Variants in FBN2 observed in about 807,000 individuals in gnomAD.
The protein encoded by FBN2 is fibrillin 2.
Under a neutral mutation model 355.6 loss-of-function variants are expected in FBN2, and 105 were observed. The observed-to-expected ratio is 0.30, with a 90% CI of 0.25 to 0.35. The LOEUF (loss-of-function observed/expected upper bound fraction) is 0.35, where lower values mean the gene tolerates loss of function less well. FBN2 is among the 10% of genes least tolerant of loss of function. FBN2 has a pLI of 1.00. For missense variants in FBN2, 3,280 were observed against 3,758.7 expected (o/e 0.87, Z 3.33); for synonymous variants, 1,350 against 1,301.2 (o/e 1.04, Z -0.81).
At chr5:128,301,090 C>A (rs1357754847) in intron 47 of FBN2, among the ~76,000 whole-genome samples, 154 bp from the exon 48 acceptor site, 1 of 152,210 alleles carries the variant, frequency 6.6e-6, no homozygotes, top group Non-Finnish European at 1.5e-5. Flanking sequence ...ACTCTTCTGA[C>A]ATCTTGGATA....
chr5:128,505,980 T>TG (rs1755947951), intron 5 of FBN2, among the ~76,000 whole-genome samples: 2 of 152,202 alleles, frequency 1.3e-5, no homozygotes, highest in East Asian at 1.9e-4. Context: ...TTCATTTAGC[T>TG]GGGGCAAATA....
At position 128,431,764 on chromosome 5, in the gene FBN2, G is replaced by A. The variant is rs115176669; in HGVS notation, c.952+14717C>T. On this transcript the variant is annotated intron_variant, in intron 7 of 64. Coordinates refer to ENST00000262464, the MANE Select transcript of FBN2 (RefSeq NM_001999.4). ...ACTTGAATACATGCGCTAAGATACT[G>A]TGACAGTGAATCTGATAACTGAGGC... 8.1e-4 allele frequency among the ~76,000 whole-genome samples: 124 copies of A among 152,296 alleles called. 1 individual carries two copies. The highest frequency in any genetic ancestry group is 3.4e-3 in the Middle Eastern group (1 of 294).
intron 35 of FBN2, 90 bp from the exon 36 acceptor site, chr5:128,318,361 G>A (rs895050114): frequency 5.5e-5 from 72 of 1,310,480 alleles, no homozygotes; most frequent in Non-Finnish European, 6.9e-5. Flanking sequence ...ATTTTTGCAA[G>A]TGAGTAGATT....
At chr5:128,494,004 C>T (rs932394309) in intron 5 of FBN2, among the ~76,000 whole-genome samples, 5 of 124,276 alleles carry the variant, frequency 4.0e-5, no homozygotes, top group South Asian at 2.3e-4. Context: ...AAGGTTTCTG[C>T]GAGACAGAGA....
intron 2 of FBN2, among the ~76,000 whole-genome samples, chr5:128,533,344 T>C (rs1756756029): frequency 6.6e-6 from 1 of 152,180 alleles, no homozygotes; most frequent in African/African-American, 2.4e-5. Context: ...TTCTCAGGCA[T>C]TTACCTGTCG....
At chr5:128,512,247 T>A (rs1298684056) in intron 5 of FBN2, among the ~76,000 whole-genome samples, 2 of 152,032 alleles carry the variant, frequency 1.3e-5, no homozygotes, top group African/African-American at 4.8e-5. Flanking sequence ...CGCAGTGGCT[T>A]AAGCCTGTAA....
At chr5:128,319,319 G>T (rs1015350553) in intron 34 of FBN2, among the ~76,000 whole-genome samples, 1 of 151,484 alleles carries the variant, frequency 6.6e-6, no homozygotes, top group Admixed American at 6.6e-5. Flanking sequence ...ACATGTCAAA[G>T]AAATGAAATT....
chr5:128,372,146 G>A (rs1434740053), intron 15 of FBN2, among the ~76,000 whole-genome samples: 1 of 152,192 alleles, frequency 6.6e-6, no homozygotes, highest in Non-Finnish European at 1.5e-5. Context: ...GGAACAGAGA[G>A]GTCCTGTATC....
At chr5:128,403,985 C>G (rs1009912625) in intron 8 of FBN2, among the ~76,000 whole-genome samples, 7 of 152,136 alleles carry the variant, frequency 4.6e-5, no homozygotes, top group Non-Finnish European at 1.0e-4. Context: ...TCTGTGTTAA[C>G]TAGAATAAGA....
intron 5 of FBN2, among the ~76,000 whole-genome samples, chr5:128,497,425 G>T (rs1032996460): frequency 6.6e-6 from 1 of 152,140 alleles, no homozygotes; most frequent in African/African-American, 2.4e-5. Context: ...GAACAAAATA[G>T]TGGGGGCAAC....
intron 62 of FBN2, among the ~76,000 whole-genome samples, chr5:128,264,015 T>C (rs1333834446): frequency 6.6e-6 from 1 of 152,140 alleles, no homozygotes; most frequent in African/African-American, 2.4e-5. Flanking sequence ...GAAAATTAGT[T>C]GCCGGGGCCT....
chr5:128,268,071 C>T (rs1765163297), intron 62 of FBN2, among the ~76,000 whole-genome samples: 1 of 151,890 alleles, frequency 6.6e-6, no homozygotes. Flanking sequence ...AAAAACCCTC[C>T]AAAAAATCAA....
intron 3 of FBN2, among the ~76,000 whole-genome samples, chr5:128,529,612 C>T (rs1454472415): frequency 6.6e-6 from 1 of 152,160 alleles, no homozygotes; most frequent in African/African-American, 2.4e-5. Flanking sequence ...GAAACTGAAT[C>T]TTAAAATTCC....
intron 25 of FBN2, among the ~76,000 whole-genome samples, chr5:128,340,818 CCTCTCTCTCTCT>C (rs752335442): frequency 2.7e-4 from 40 of 150,272 alleles, no homozygotes; most frequent in Middle Eastern, 6.3e-3. Context: ...TCTCTCTCTC[CCTCTCTCTCTCT>C]CTCTCTATAT....
Position 128,288,637 on chromosome 5 carries a change from C to T in FBN2, c.6638-80G>A, listed in dbSNP as rs28763930. ...TGCCCAGGAAGACCCATGCTTGGCC[C>T]TCACCCATTTCCAGGATCTGAGAAG... On this transcript the variant is annotated intron_variant, in intron 52 of 64. Transcript: ENST00000262464. 4.6e-6 allele frequency: 7 copies of T among 1,517,658 alleles called. No homozygotes were observed. In the Admixed American group the frequency reaches 1.0e-4, roughly 22 times the overall value. 94.0% of individuals were successfully genotyped at this position (1,517,658 alleles called of 1,614,324 possible). A position where few individuals can be genotyped will look rare whatever the true frequency, so the allele number is the denominator to read the frequency against.
In FBN2 at chr5:128,273,806, A is replaced by T. The variant is rs1458655478; in HGVS notation, c.7840+34T>A. ...TTAAAAATATATATGGTTTACTGTT[A>T]TTAGATTAAGAATTTTTGAGCAAAT... On this transcript the variant is annotated intron_variant, in intron 61 of 64. Transcript: ENST00000262464. 4 of 1,602,324 alleles carry T rather than the reference A, an allele frequency of 2.5e-6. No individual in the cohort carries two copies. In the African/African-American group the frequency reaches 5.4e-5, roughly 21 times the overall value.
intron 2 of FBN2, among the ~76,000 whole-genome samples, chr5:128,531,714 G>T (rs1756711447): frequency 7.6e-6 from 1 of 131,658 alleles, no homozygotes; most frequent in South Asian, 2.2e-4. Context: ...GTATATATAT[G>T]TATGTGTGTA....
At chr5:128,334,586 C>A (rs1750785395) in intron 31 of FBN2, 133 bp downstream of exon 31, 5 of 964,882 alleles carry the variant, frequency 5.2e-6, no homozygotes, top group Non-Finnish European at 8.2e-6. Context: ...ATAGGTCACA[C>A]ACTCATCACA....
intron 5 of FBN2, among the ~76,000 whole-genome samples, chr5:128,486,358 C>A (rs1361661179): frequency 6.6e-6 from 1 of 152,052 alleles, no homozygotes; most frequent in African/African-American, 2.4e-5. Context: ...TAAAGATAAC[C>A]CCATTGACAA....
Sources: gnomAD v4.1 joint callset for allele counts (sites outside exome capture counted in the v4.1 genomes callset) on GRCh38, gnomAD v4.1.1 for gene constraint, MANE v1.5 for transcripts, NCBI Gene and HGNC (gene_info 2026-07-23, HGNC 2026-07-21) for gene names.